Variants in DEK observed in about 807,000 individuals in gnomAD.
The protein encoded by DEK is DEK proto-oncogene.
A neutral mutation model predicts 46.8 loss-of-function variants in DEK; 28 were observed. The ratio of observed to expected loss-of-function variants is 0.60; its 90% CI spans 0.44 to 0.82. DEK has a LOEUF of 0.82. Ranked by LOEUF, DEK falls within the 40% of genes least tolerant of loss-of-function variation. The pLI, the probability that DEK is intolerant of heterozygous loss-of-function variation, is 0.00. For synonymous variants in DEK, 160 were observed against 144.5 expected, an observed-to-expected ratio of 1.11 and a Z score of -0.77; for missense variants, 416 against 430.6, an observed-to-expected ratio of 0.97 and a Z score of 0.30.
intron 9 of DEK, among the ~76,000 whole-genome samples, chr6:18,233,226 T>C (rs1414594626): frequency 1.3e-5 from 2 of 152,238 alleles, no homozygotes; most frequent in African/African-American, 2.4e-5. Flanking sequence ...ACTTAAACAT[T>C]AGACCTAAAA....
In DEK at chr6:18,236,358, A is replaced by C. The variant is rs905269883; in HGVS notation, c.1047+94T>G. ...TAGTTCAATAAATCTTTCTTCAATA[A>C]GTGAATGCACGTAAGTATTTAGCTT... On this transcript the variant is annotated intron_variant, in intron 9 of 10. Transcript: ENST00000652689. 14 of 1,347,502 alleles carry C rather than the reference A, an allele frequency of 1.0e-5. No homozygotes were observed. The African/African-American group carries it at 2.1e-4, about 20-fold the overall frequency. The allele number at this position is 1,347,502 out of a possible 1,614,324, so 83.5% of individuals were successfully genotyped here.
intron 6 of DEK, among the ~76,000 whole-genome samples, chr6:18,252,464 G>A (rs138836255): frequency 5.5e-4 from 65 of 118,830 alleles, no homozygotes; most frequent in African/African-American, 2.1e-3. Context: ...AGCCATGATT[G>A]TACCACAACA....
At chr6:18,235,354 A>G (rs1790602378) in intron 9 of DEK, among the ~76,000 whole-genome samples, 1 of 152,314 alleles carries the variant, frequency 6.6e-6, no homozygotes, top group South Asian at 2.1e-4. Flanking sequence ...GACATGTTGA[A>G]CTAATACTAT....
At chr6:18,238,808 T>C (rs1179039559) in intron 7 of DEK, among the ~76,000 whole-genome samples, 2 of 152,212 alleles carry the variant, frequency 1.3e-5, no homozygotes, top group Non-Finnish European at 2.9e-5. Flanking sequence ...TATTAAACAT[T>C]CCAAGATATT....
At chr6:18,228,518 C>A (rs865878755) in intron 9 of DEK, among the ~76,000 whole-genome samples, 1 of 151,824 alleles carries the variant, frequency 6.6e-6, no homozygotes, top group African/African-American at 2.4e-5. Context: ...GCTTGTCGGA[C>A]GGTGGGTACA....
chr6:18,258,752 T>C (rs1487600617), intron 2 of DEK, among the ~76,000 whole-genome samples: 1 of 152,224 alleles, frequency 6.6e-6, no homozygotes, highest in Non-Finnish European at 1.5e-5. Flanking sequence ...TTGGACATAA[T>C]TCTATTTAAT....
intron 9 of DEK, among the ~76,000 whole-genome samples, chr6:18,231,834 A>C (rs995724594): frequency 1.3e-5 from 2 of 152,232 alleles, no homozygotes; most frequent in African/African-American, 4.8e-5. Flanking sequence ...AATGAATAGA[A>C]AAAGAGGGAA....
At position 18,264,456 on chromosome 6, in the gene DEK, G is replaced by A. The variant is rs760812502; in HGVS notation, c.-81C>T. ...GTTCTGGGAGGCGGCGGCGGCCGACGCCGAGGAGAAGGCGCGCGGGCCGCT... is the reference window on the plus strand; with the variant it reads ...GTTCTGGGAGGCGGCGGCGGCCGACACCGAGGAGAAGGCGCGCGGGCCGCT... On this transcript the variant is annotated 5_prime_UTR_variant, in exon 1 of 11. Coordinates refer to ENST00000652689, the MANE Select transcript of DEK (RefSeq NM_003472.4). 2.8e-5 allele frequency: 8 copies of A among 282,124 alleles called. No individual in the cohort carries two copies. The highest frequency in any genetic ancestry group is 4.3e-5 in the Non-Finnish European group (6 of 139,446). 17.5% of individuals were successfully genotyped at this position (282,124 alleles called of 1,614,324 possible).
chr6:18,262,294 CAA>C (rs528582239), intron 2 of DEK, among the ~76,000 whole-genome samples: 40 of 108,318 alleles, frequency 3.7e-4, no homozygotes, highest in Non-Finnish European at 4.2e-4. Flanking sequence ...TATAGTAACG[CAA>C]AAAAAAAAAA....
At chr6:18,256,340 G>C in intron 5 of DEK, 21 bp downstream of exon 5, 1 of 1,570,390 alleles carries the variant, frequency 6.4e-7, no homozygotes, top group Non-Finnish European at 8.7e-7. Context: ...TCAAAATACA[G>C]TATTTATAAA....
chr6:18,231,619 A>G (rs1276969082), intron 9 of DEK, among the ~76,000 whole-genome samples: 1 of 152,262 alleles, frequency 6.6e-6, no homozygotes, highest in Non-Finnish European at 1.5e-5. Context: ...AATCTAGATG[A>G]AATGGATAAA....
intron 9 of DEK, among the ~76,000 whole-genome samples, chr6:18,231,256 G>A (rs1460067499): frequency 2.0e-5 from 3 of 151,986 alleles, no homozygotes; most frequent in South Asian, 2.1e-4. Context: ...AATGCCCACA[G>A]GAGAAAGCAG....
In DEK at chr6:18,255,739, A is replaced by G; in HGVS notation, c.565T>C (p.Ser189Pro). Residue 189 changes from serine (S) to proline (P), a missense_variant, in exon 6 of 11, where the codon TCT (serine) becomes CCT (proline). Coordinates refer to ENST00000652689, the MANE Select transcript of DEK (RefSeq NM_003472.4). ...ILNFLMHPKPSGKPLPKSKKT... is the reference protein window; with the variant it reads ...ILNFLMHPKPPGKPLPKSKKT... ...TAAAAATTGATCCTCACTTTGCCAG[A>G]AGGCTTTGGATGCATTAAGAAATTC... 1.9e-6 allele frequency: 3 copies of G among 1,598,114 alleles called. No individual in the cohort carries two copies. Among genetic ancestry groups the G allele is most frequent in the Non-Finnish European group, 2.6e-6 (3 of 1,176,022 alleles).
chr6:18,243,870 G>T (rs901439437), intron 7 of DEK, among the ~76,000 whole-genome samples: 6 of 152,052 alleles, frequency 3.9e-5, no homozygotes, highest in Non-Finnish European at 7.4e-5. Flanking sequence ...CTAGCCACTT[G>T]GTGGCAGGAT....
At chr6:18,262,590 A>G (rs1268193547) in intron 2 of DEK, among the ~76,000 whole-genome samples, 1 of 152,170 alleles carries the variant, frequency 6.6e-6, no homozygotes, top group Non-Finnish European at 1.5e-5. Context: ...CTTACAGTAT[A>G]TTTACATGAC....
intron 7 of DEK, among the ~76,000 whole-genome samples, chr6:18,249,021 G>T (rs1015388803): frequency 6.6e-6 from 1 of 152,102 alleles, no homozygotes; most frequent in Non-Finnish European, 1.5e-5. Context: ...CACTCTCCAT[G>T]ATCTACCTGA....
rs1485977481 is a variant in DEK, at chr6:18,236,576, T to C, written c.923A>G (p.Asp308Gly). 6.4e-7 allele frequency: 1 copy of C among 1,573,998 alleles called. No homozygotes were observed. Among genetic ancestry groups the C allele is most frequent in the Admixed American group, 2.0e-5 (1 of 49,926 alleles). The change falls in exon 9 of 11, where the codon GAT becomes GGT. Residue 308 changes from aspartate to glycine, a missense_variant. Physicochemically the swap from Asp to Gly is moderately conservative, Grantham distance 94. Transcript: ENST00000652689. ...KKESESEDSSDDEPLIKKLKK... is the reference protein window; with the variant it reads ...KKESESEDSSGDEPLIKKLKK... ...CAACTTTTTAATTAAAGGTTCATCA[T>C]CTGAACTATCCTCAGACTCACTTTC...
chr6:18,247,765 C>T (rs1005049181), intron 7 of DEK, among the ~76,000 whole-genome samples: 3 of 151,948 alleles, frequency 2.0e-5, no homozygotes, highest in Non-Finnish European at 4.4e-5. Flanking sequence ...TCTGCCTCCC[C>T]GGTTCAAGCA....
chr6:18,255,599 C>G, intron 6 of DEK, 132 bp downstream of exon 6: 1 of 1,097,272 alleles, frequency 9.1e-7, no homozygotes, highest in Admixed American at 3.1e-5. Flanking sequence ...GCAGATACGT[C>G]AACAGAAGGT....
Sources: gnomAD v4.1 joint callset for allele counts (sites outside exome capture counted in the v4.1 genomes callset) on GRCh38, gnomAD v4.1.1 for gene constraint, MANE v1.5 for transcripts, NCBI Gene and HGNC (gene_info 2026-07-23, HGNC 2026-07-21) for gene names.